The following NCOR1 variants were observed in gnomAD, a reference collection of about 807,000 sequenced individuals.
The protein encoded by NCOR1 is protein phosphatase 1, regulatory subunit 109.
In NCOR1, 63 loss-of-function variants were observed where a neutral mutation model predicts 288.1. That is an observed-to-expected ratio of 0.22 (90% CI 0.18 to 0.27). The LOEUF (loss-of-function observed/expected upper bound fraction) is 0.27. NCOR1 is among the 10% of genes least tolerant of loss of function. The probability of loss-of-function intolerance (pLI) is 1.00; values close to 1 mark genes in which losing one functional copy is unlikely to be tolerated. For synonymous variants in NCOR1, 1,007 were observed against 1,065.9 expected (o/e 0.94, Z 1.08); for missense variants, 2,397 against 3,019.2 (o/e 0.79, Z 4.83).
chr17:16,049,395 G>A lies in NCOR1; in HGVS notation c.6393-407C>T, dbSNP rs75831380. ...GAGTCGACTGACCAGTTCTTTCATC[G>A]TCAAGTTAAAGATAAAGGACTTCAG... On this transcript the variant is annotated intron_variant, in intron 40 of 45. Coordinates refer to ENST00000268712, the MANE Select transcript of NCOR1 (RefSeq NM_006311.4). 654 of 153,784 alleles carry A rather than the reference G, an allele frequency of 4.3e-3. 8 individuals are homozygous for A. The highest frequency in any genetic ancestry group is 0.015 in the African/African-American group (612 of 41,560). The allele number at this position is 153,784 out of a possible 1,614,324, so 9.5% of individuals were successfully genotyped here.
chr17:16,159,988 C>T (rs2153423109), intron 5 of NCOR1, among the ~76,000 whole-genome samples: 1 of 152,168 alleles, frequency 6.6e-6, no homozygotes, highest in East Asian at 1.9e-4. Context: ...CACCACCATG[C>T]CCGGCTAATT....
At chr17:16,159,413 C>CAAAAAAAAA (rs35243097) in intron 5 of NCOR1, among the ~76,000 whole-genome samples, 2 of 66,294 alleles carry the variant, frequency 3.0e-5, no homozygotes, top group East Asian at 5.9e-4. Context: ...AACTCTATCT[C>CAAAAAAAAA]AAAAAAAAAA....
At chr17:16,174,657 A>G (rs1251026140) in intron 3 of NCOR1, among the ~76,000 whole-genome samples, 1 of 152,242 alleles carries the variant, frequency 6.6e-6, no homozygotes, top group Non-Finnish European at 1.5e-5. Flanking sequence ...AAATAAATAT[A>G]TAATTTAATG....
At chr17:16,194,018 C>G (rs917037911) in intron 2 of NCOR1, among the ~76,000 whole-genome samples, 6 of 152,160 alleles carry the variant, frequency 3.9e-5, no homozygotes, top group Admixed American at 1.3e-4. Context: ...ATGATAAAGT[C>G]TTCCTTCCTA....
At chr17:16,060,135 T>C (rs1073094) in intron 37 of NCOR1, among the ~76,000 whole-genome samples, 10,616 of 152,212 alleles carry the variant, frequency 0.07, 592 homozygotes, top group African/African-American at 0.16. Flanking sequence ...ATGAGGAAGG[T>C]TCTCAAGAGT....
At chr17:16,134,910 A>G (rs2076164970) in intron 14 of NCOR1, among the ~76,000 whole-genome samples, 1 of 152,198 alleles carries the variant, frequency 6.6e-6, no homozygotes, top group South Asian at 2.1e-4. Flanking sequence ...CTGTAATCCC[A>G]GCACTTTGGG....
chr17:16,041,969 C>A (rs1374125558), intron 42 of NCOR1, among the ~76,000 whole-genome samples: 1 of 151,850 alleles, frequency 6.6e-6, no homozygotes, highest in Non-Finnish European at 1.5e-5. Flanking sequence ...ATCTCCTGAC[C>A]TCGATATGCC....
At chr17:16,152,149 T>A in intron 7 of NCOR1, 151 bp from the exon 8 acceptor site, 1 of 508,600 alleles carries the variant, frequency 2.0e-6, no homozygotes, top group Non-Finnish European at 3.4e-6. Flanking sequence ...TTTATTTTTT[T>A]ATTTACTTAT....
At chr17:16,147,028 GC>G (rs2078093454) in intron 9 of NCOR1, among the ~76,000 whole-genome samples, 1 of 152,108 alleles carries the variant, frequency 6.6e-6, no homozygotes, top group Non-Finnish European at 1.5e-5. Context: ...CTGGTTGATT[GC>G]CATTTTTTGC....
At chr17:16,078,102 C>G (rs762089215) in intron 26 of NCOR1, among the ~76,000 whole-genome samples, 3 of 152,140 alleles carry the variant, frequency 2.0e-5, no homozygotes, top group Non-Finnish European at 4.4e-5. Context: ...CTTTAAGCAG[C>G]GAGCCCTTCC....
Position 16,039,438 on chromosome 17 carries a change from T to G in NCOR1, c.6950A>C (p.His2317Pro), listed in dbSNP as rs574221900. The G allele has an allele frequency of 4.3e-6, 7 of 1,613,636 alleles. No homozygotes were observed. The South Asian group carries it at 7.7e-5, about 18-fold the overall frequency. ...TRREEGDPSP[H>P]SGGVCKPKLI... ...CACTAAAATGAAAGCTGTACCTGAA[T>G]GAGGTGATGGGTCCCCTTCCTCTCT... The change falls in exon 44 of 46, where the codon CAT becomes CCT. Residue 2317 changes from histidine (H) to proline (P), a missense_variant. By Grantham distance (77) the His-to-Pro change is moderately conservative. Around this residue, in one of 11 missense-constraint regions of NCOR1, gnomAD observed 1,872 missense variants for 2,187.8 expected, o/e 0.86. Coordinates refer to ENST00000268712, the MANE Select transcript of NCOR1 (RefSeq NM_006311.4).
chr17:16,152,999 A>G (rs1202130583), intron 7 of NCOR1, among the ~76,000 whole-genome samples: 1 of 152,132 alleles, frequency 6.6e-6, no homozygotes, highest in African/African-American at 2.4e-5. Context: ...TTTTAATTTC[A>G]AAGTATTAAT....
intron 6 of NCOR1, among the ~76,000 whole-genome samples, chr17:16,156,130 G>A (rs1334360543): frequency 1.3e-5 from 2 of 152,020 alleles, no homozygotes; most frequent in African/African-American, 4.8e-5. Context: ...CTGTTAGAAA[G>A]AAAAGAAGGA....
intron 7 of NCOR1, 87 bp from the exon 8 acceptor site, chr17:16,152,085 GGTAA>G: frequency 1.3e-6 from 1 of 752,054 alleles, no homozygotes; most frequent in Non-Finnish European, 2.0e-6. Context: ...TGTAAGCACA[GGTAA>G]AGTACTAATG....
chr17:16,136,441 C>T (rs976473363), intron 14 of NCOR1, among the ~76,000 whole-genome samples: 5 of 152,148 alleles, frequency 3.3e-5, no homozygotes, highest in African/African-American at 1.2e-4. Flanking sequence ...ATGCTCTGGC[C>T]CCAGCCTCCC....
rs575578379 is a variant in NCOR1 at position 16,128,370 on chromosome 17, C to G, written c.1510-2164G>C. Reference sequence around the variant, plus strand: ...AGAGGAACTCTGGGGCCATGTCCTTCCCTCTCCACCACAGACCACACCTGC... The same window carrying G: ...AGAGGAACTCTGGGGCCATGTCCTTGCCTCTCCACCACAGACCACACCTGC... On this transcript the variant is annotated intron_variant, in intron 14 of 45. Coordinates refer to ENST00000268712, the MANE Select transcript of NCOR1 (RefSeq NM_006311.4). Among the ~76,000 whole-genome samples the G allele has an allele frequency of 1.3e-3, 200 of 152,306 alleles. 1 individual carries two copies. The highest frequency in any genetic ancestry group is 4.6e-3 in the African/African-American group (190 of 41,574).
Position 16,031,859 on chromosome 17 carries a change from TAGAC to T in NCOR1, c.*433_*436del. On this transcript the variant is annotated 3_prime_UTR_variant, in exon 46 of 46. Coordinates refer to ENST00000268712, the MANE Select transcript of NCOR1 (RefSeq NM_006311.4). ...AGAAGGCTAGGGTTAAAAAGATAGA[TAGAC>T]AAAAAGATTTTTAAAAATCACCCCC... is the stretch of plus-strand genomic sequence containing the variant. 4.3e-6 allele frequency: 1 copy of T among 233,968 alleles called. No homozygotes were observed. 14.5% of individuals were successfully genotyped at this position (233,968 alleles called of 1,614,324 possible).
At chr17:16,141,631 ACT>A (rs1367741847) in intron 11 of NCOR1, among the ~76,000 whole-genome samples, 1 of 152,134 alleles carries the variant, frequency 6.6e-6, no homozygotes, top group Non-Finnish European at 1.5e-5. Flanking sequence ...ACAAAGACAA[ACT>A]CTGTACAAAG....
intron 9 of NCOR1, among the ~76,000 whole-genome samples, chr17:16,147,386 G>A (rs186355985): frequency 1.2e-3 from 182 of 148,186 alleles, no homozygotes; most frequent in Admixed American, 2.5e-3. Flanking sequence ...TCCAACCTGG[G>A]CAACAGACAA....
Sources: gnomAD v4.1 joint callset for allele counts (sites outside exome capture counted in the v4.1 genomes callset) on GRCh38, gnomAD v4.1.1 for gene constraint, gnomAD v4.1.1 regional missense constraint, MANE v1.5 for transcripts, NCBI Gene and HGNC (gene_info 2026-07-23, HGNC 2026-07-21) for gene names.